Variants in ABCC4 observed in about 807,000 individuals in gnomAD.
The protein encoded by ABCC4 is ATP binding cassette subfamily C member 4 (PEL blood group), also known as ATP-binding cassette sub-family C member 4.
Under a neutral mutation model 168.5 loss-of-function variants are expected in ABCC4, and 102 were observed. The observed-to-expected ratio is 0.61, with a 90% CI of 0.52 to 0.71. The LOEUF (loss-of-function observed/expected upper bound fraction) is 0.71. Among genes scored for constraint, ABCC4 ranks in the 30% least tolerant of loss-of-function variants. ABCC4 has a pLI of 0.00. For missense variants in ABCC4, 1,402 were observed against 1,605.8 expected, an observed-to-expected ratio of 0.87 and a Z score of 2.17; for synonymous variants, 617 against 590.7, an observed-to-expected ratio of 1.04 and a Z score of -0.65.
chr13:95,164,244 G>A (rs1344530950), intron 16 of ABCC4, 134 bp downstream of exon 16: 8 of 1,057,282 alleles, frequency 7.6e-6, no homozygotes, highest in Non-Finnish European at 9.6e-6. Flanking sequence ...CCAGTAGGCA[G>A]CCCTCACTTT....
chr13:95,250,446 T>C (rs1264380124), intron 1 of ABCC4, among the ~76,000 whole-genome samples: 5 of 152,288 alleles, frequency 3.3e-5, no homozygotes, highest in African/African-American at 4.8e-5. Context: ...TAAACAGTTA[T>C]GGAAAGAATG....
chr13:95,176,178 G>C (rs1460381134), intron 13 of ABCC4, among the ~76,000 whole-genome samples: 1 of 142,514 alleles, frequency 7.0e-6, no homozygotes, highest in Non-Finnish European at 1.5e-5. Context: ...TATGCCAGGT[G>C]TAGGGGCTCA....
At chr13:95,163,354 T>C in intron 17 of ABCC4, 138 bp from the exon 18 acceptor site, 2 of 677,996 alleles carry the variant, frequency 2.9e-6, no homozygotes, top group Non-Finnish European at 2.5e-6. Context: ...CTTGTGTATA[T>C]CTACCTTATA....
chr13:95,078,031 T>C (rs992850286), intron 21 of ABCC4, among the ~76,000 whole-genome samples: 1 of 152,196 alleles, frequency 6.6e-6, no homozygotes, highest in Admixed American at 6.5e-5. Flanking sequence ...CCACCCATCC[T>C]TGGGGCTCTT....
At chr13:95,206,983 T>C (rs749242678) in intron 7 of ABCC4, among the ~76,000 whole-genome samples, 1 of 152,120 alleles carries the variant, frequency 6.6e-6, no homozygotes, top group African/African-American at 2.4e-5. Context: ...AGAAGTATCA[T>C]GTGCTGGAAT....
At chr13:95,109,391 A>AACACACACACACACACACAC (rs61165942) in intron 20 of ABCC4, among the ~76,000 whole-genome samples, 19 of 150,342 alleles carry the variant, frequency 1.3e-4, no homozygotes, top group African/African-American at 4.6e-4. Context: ...CAGGTGTGCA[A>AACACACACACACACACACAC]ACACACACAC....
chr13:95,191,775 C>T (rs1330855307), intron 9 of ABCC4, among the ~76,000 whole-genome samples: 1 of 149,630 alleles, frequency 6.7e-6, no homozygotes, highest in Non-Finnish European at 1.5e-5. Context: ...GTGTCTCTTT[C>T]CTAACAACTA....
intron 20 of ABCC4, among the ~76,000 whole-genome samples, chr13:95,106,298 C>T (rs1235054701): frequency 1.3e-5 from 2 of 151,772 alleles, no homozygotes; most frequent in Non-Finnish European, 2.9e-5. Flanking sequence ...GATTACATAT[C>T]AACGGTTTAA....
intron 30 of ABCC4, among the ~76,000 whole-genome samples, chr13:95,023,701 C>T (rs1252022687): frequency 6.6e-6 from 1 of 152,222 alleles, no homozygotes. Context: ...GAAGTGGCCC[C>T]TAAGCACACA....
chr13:95,058,586 AAAAAAAG>A (rs1332404253), intron 26 of ABCC4, among the ~76,000 whole-genome samples: 13 of 77,640 alleles, frequency 1.7e-4, no homozygotes, highest in African/African-American at 4.7e-4. Context: ...AAAAAAAAAA[AAAAAAAG>A]AAAAGAAAAA....
At chr13:95,120,663 T>A (rs538728157) in intron 19 of ABCC4, among the ~76,000 whole-genome samples, 1 of 150,336 alleles carries the variant, frequency 6.7e-6, no homozygotes, top group African/African-American at 2.5e-5. Context: ...CAGGTACCCA[T>A]AGTTGATGGT....
intron 20 of ABCC4, among the ~76,000 whole-genome samples, chr13:95,086,995 A>T (rs2034278602): frequency 1.3e-5 from 2 of 151,370 alleles, no homozygotes; most frequent in East Asian, 3.9e-4. Context: ...AATCATCCAG[A>T]TTGCTTTAAA....
chr13:95,178,083 C>T lies in ABCC4; in HGVS notation c.1554G>A (p.Gln518=), dbSNP rs2037769908. 3 of 1,613,946 alleles carry T rather than the reference C, an allele frequency of 1.9e-6. No individual in the cohort carries two copies. The highest frequency in any genetic ancestry group is 2.5e-6 in the Non-Finnish European group (3 of 1,179,902). ...IKACALKKDL[Q]LLEDGDLTVI... The stretch of plus-strand genomic sequence containing the variant: ...CAGTCAGATCACCATCCTCCAACAG[C>T]TGTAAATCCTGTATGGACAAAGGAA... The change falls in exon 12 of 31, where the codon CAG becomes CAA. Residue 518 remains glutamine, a synonymous_variant. Transcript: ENST00000645237.
intron 20 of ABCC4, among the ~76,000 whole-genome samples, chr13:95,088,450 C>G (rs570517356): frequency 6.6e-6 from 1 of 152,268 alleles, no homozygotes; most frequent in South Asian, 2.1e-4. Flanking sequence ...TGCATAAACA[C>G]ACTTTTCAAG....
intron 20 of ABCC4, among the ~76,000 whole-genome samples, chr13:95,115,136 AAAAAT>A (rs1378880721): frequency 3.3e-5 from 5 of 152,194 alleles, no homozygotes; most frequent in East Asian, 1.9e-4. Context: ...AACAATAGGA[AAAAAT>A]AAAATAAAAC....
At chr13:95,231,530 G>C (rs2039621779) in intron 4 of ABCC4, among the ~76,000 whole-genome samples, 1 of 152,182 alleles carries the variant, frequency 6.6e-6, no homozygotes, top group Non-Finnish European at 1.5e-5. Flanking sequence ...GTGTCGCAGA[G>C]GGACCTTTCA....
intron 19 of ABCC4, among the ~76,000 whole-genome samples, chr13:95,143,991 T>A (rs537850704): frequency 6.6e-6 from 1 of 152,262 alleles, no homozygotes; most frequent in East Asian, 1.9e-4. Context: ...AAGACAGAGG[T>A]TAAAATATTT....
chr13:95,135,263 G>A (rs908964225), intron 19 of ABCC4, among the ~76,000 whole-genome samples: 3 of 152,030 alleles, frequency 2.0e-5, no homozygotes, highest in Admixed American at 6.6e-5. Flanking sequence ...ATTTAGACTC[G>A]TAAAAGTGAA....
intron 4 of ABCC4, among the ~76,000 whole-genome samples, chr13:95,218,913 GAGAGAGAAAGAAAGAGAAAGAA>G (rs1312553695): frequency 2.5e-4 from 2 of 7,892 alleles, no homozygotes; most frequent in African/African-American, 1.8e-3. Flanking sequence ...GAAAGAGAGA[GAGAGAGAAAGAAAGAGAAAGAA>G]AGAAAGAAAG....
Sources: allele counts gnomAD v4.1 joint callset (sites outside exome capture counted in the v4.1 genomes callset), GRCh38; gene constraint gnomAD v4.1.1; transcripts MANE v1.5; gene names NCBI Gene and HGNC (gene_info 2026-07-23, HGNC 2026-07-21).